TEX48: variants seen among roughly 807,000 people sequenced by gnomAD.
TEX48 encodes the protein testis expressed 48.
Under a neutral mutation model 13.2 loss-of-function variants are expected in TEX48, and 10 were observed. The ratio of observed to expected loss-of-function variants is 0.75; its 90% CI spans 0.47 to 1.28. The LOEUF is 1.28. TEX48 is among the 50% of genes most tolerant of loss of function. TEX48 has a pLI of 0.00. For missense variants in TEX48, 116 were observed against 139.4 expected, an observed-to-expected ratio of 0.83 and a Z score of 0.84; for synonymous variants, 45 against 52.3, an observed-to-expected ratio of 0.86 and a Z score of 0.60.
rs1827953267 is a variant in TEX48 at position 114,671,782 on chromosome 9, C to T, written c.-59G>A. 2 of 1,531,346 alleles carry T rather than the reference C, an allele frequency of 1.3e-6. No homozygotes were observed. Among genetic ancestry groups the T allele is most frequent in the African/African-American group, 2.7e-5 (2 of 72,928 alleles). The allele number at this position is 1,531,346 out of a possible 1,614,324, so 94.9% of individuals were successfully genotyped here. On this transcript the variant is annotated 5_prime_UTR_variant, in exon 2 of 5. Coordinates refer to ENST00000436752, the MANE Select transcript of TEX48 (RefSeq NM_001199233.2). ...TGTCTGCAGGGGTGCCTTGTTGAAT[C>T]AGCCAGTCTTGAGTTTGAGCCCAGT...
At chr9:114,670,101 A>AG (rs1827917388) in intron 3 of TEX48, among the ~76,000 whole-genome samples, 3 of 152,222 alleles carry the variant, frequency 2.0e-5, no homozygotes, top group African/African-American at 7.2e-5. Flanking sequence ...CAATTTGAAT[A>AG]CTAATGTCTG....
chr9:114,674,602 T>C lies in TEX48; in HGVS notation c.-104-2775A>G, dbSNP rs560574381. On this transcript the variant is annotated intron_variant, in intron 1 of 4. Coordinates refer to ENST00000436752, the MANE Select transcript of TEX48 (RefSeq NM_001199233.2). ...TCTTTTTTTCTCTTTTCTCTTTTTC[T>C]TTCCTTCCTTCCTTCCTTCCTTCCT... Among the ~76,000 whole-genome samples, 70 of 54,426 alleles carry C rather than the reference T, an allele frequency of 1.3e-3. 1 individual carries two copies. Among genetic ancestry groups the C allele is most frequent in the East Asian group, 3.2e-3 (7 of 2,158 alleles). 35.7% of individuals were successfully genotyped at this position (54,426 alleles called of 152,430 possible).
chr9:114,673,270 C>T (rs1182284953), intron 1 of TEX48, among the ~76,000 whole-genome samples: 1 of 151,948 alleles, frequency 6.6e-6, no homozygotes, highest in Non-Finnish European at 1.5e-5. Flanking sequence ...GTCAGGAGTT[C>T]GAGACCAGCC....
At position 114,671,476 on chromosome 9, in the gene TEX48, A is replaced by C. The variant is rs1301027842; in HGVS notation, c.34T>G (p.Phe12Val). 6.5e-7 allele frequency: 1 copy of C among 1,535,452 alleles called. No homozygotes were observed. The highest frequency in any genetic ancestry group is 1.4e-5 in the African/African-American group (1 of 73,006). ...TGACAGTCCCTGCAGCATAAACAGAAGATCTTCAAGATCAGGTTTTGGTGG... is the reference window on the plus strand; with the variant it reads ...TGACAGTCCCTGCAGCATAAACAGACGATCTTCAAGATCAGGTTTTGGTGG... The part of the protein sequence containing the change: ...AAHQNLILKI[F>V]CLCCRDCQEP... Residue 12 changes from phenylalanine (F) to valine (V), a missense_variant, in exon 3 of 5, where the codon TTC becomes GTC. Phe to Val is a conservative substitution (Grantham distance 50). Coordinates refer to ENST00000436752, the MANE Select transcript of TEX48 (RefSeq NM_001199233.2).
rs1312260747 is a variant in TEX48 at position 114,666,703 on chromosome 9, G to C, written c.303C>G (p.Asn101Lys). ...YASQRNFYKR[N>K]LNRYCQEHWP... ...AGTGCTCCTGGCAGTAGCGGTTTAA[G>C]TTTCTCTTGTAAAAATTTCTTTGGG... Residue 101 changes from asparagine (N) to lysine (K), a missense_variant, in exon 5 of 5, where the codon AAC becomes AAG. By Grantham distance (94) the Asn-to-Lys change is moderately conservative. Coordinates refer to ENST00000436752, the MANE Select transcript of TEX48 (RefSeq NM_001199233.2). The C allele has an allele frequency of 5.2e-6, 8 of 1,535,278 alleles. No individual in the cohort carries two copies. Among genetic ancestry groups the C allele is most frequent in the Non-Finnish European group, 6.1e-6 (7 of 1,146,598 alleles).
At chr9:114,675,979 C>T (rs534161336) in intron 1 of TEX48, among the ~76,000 whole-genome samples, 1 of 152,302 alleles carries the variant, frequency 6.6e-6, no homozygotes, top group Admixed American at 6.5e-5. Context: ...GGAGTCCCTC[C>T]CTTGTGCTCC....
intron 1 of TEX48, among the ~76,000 whole-genome samples, chr9:114,676,272 C>G (rs572440988): frequency 1.3e-5 from 2 of 152,236 alleles, no homozygotes; most frequent in South Asian, 4.2e-4. Flanking sequence ...CAAGCGATTT[C>G]CCTGCCTCAG....
rs1054055337 is a variant in TEX48, at chr9:114,679,211, A to T, written c.-105+2824T>A. ...TTTAGAAAAAATCAATTGGAATGGG[A>T]AATTCCATTAGTGTAGATATCTTGA... is the stretch of plus-strand genomic sequence containing the variant. On this transcript the variant is annotated intron_variant, in intron 1 of 4. Coordinates refer to ENST00000436752, the MANE Select transcript of TEX48 (RefSeq NM_001199233.2). Among the ~76,000 whole-genome samples, 3 of 151,444 alleles carry T rather than the reference A, an allele frequency of 2.0e-5. No individual in the cohort carries two copies. The South Asian group carries it at 6.3e-4, about 32-fold the overall frequency.
In TEX48 at chr9:114,670,683, G is replaced by C. The variant is rs146217082; in HGVS notation, c.127+700C>G. ...AGAGGCTCTGGCTAAAGATTTAAAG[G>C]GGGGTGGCTGGTTTGTACTAGACTT... On this transcript the variant is annotated intron_variant, in intron 3 of 4. Coordinates refer to ENST00000436752, the MANE Select transcript of TEX48 (RefSeq NM_001199233.2). Among the ~76,000 whole-genome samples, 3 of 152,090 alleles carry C rather than the reference G, an allele frequency of 2.0e-5. No homozygotes were observed. In the East Asian group the frequency reaches 5.8e-4, roughly 29 times the overall value.
intron 1 of TEX48, among the ~76,000 whole-genome samples, chr9:114,678,329 G>A (rs1589380475): frequency 6.6e-6 from 1 of 152,078 alleles, no homozygotes; most frequent in Non-Finnish European, 1.5e-5. Flanking sequence ...CATTTTTCTA[G>A]AGAAGAACAA....
intron 1 of TEX48, among the ~76,000 whole-genome samples, chr9:114,680,121 CTTTT>C (rs1222465975): frequency 2.2e-5 from 1 of 44,594 alleles, no homozygotes; most frequent in South Asian, 8.9e-4. Flanking sequence ...GTCATTGTCC[CTTTT>C]TTTTTTTTTT....
intron 1 of TEX48, among the ~76,000 whole-genome samples, chr9:114,680,550 C>T (rs1040111921): frequency 8.5e-5 from 13 of 152,152 alleles, no homozygotes; most frequent in Non-Finnish European, 4.4e-5. Flanking sequence ...AGAAATGAGG[C>T]AGACTGATAC....
At chr9:114,672,392 G>C (rs554711917) in intron 1 of TEX48, among the ~76,000 whole-genome samples, 1 of 152,178 alleles carries the variant, frequency 6.6e-6, no homozygotes, top group Non-Finnish European at 1.5e-5. Flanking sequence ...ATAAGGCCTT[G>C]CTTTAGTCCC....
chr9:114,666,611 C>G lies in TEX48; in HGVS notation c.*32G>C, dbSNP rs1344350278. 7.7e-7 allele frequency: 1 copy of G among 1,291,808 alleles called. No homozygotes were observed. The highest frequency in any genetic ancestry group is 2.5e-5 in the East Asian group (1 of 39,740). The allele number at this position is 1,291,808 out of a possible 1,614,324, so 80.0% of individuals were successfully genotyped here. ...ACCGCCCTCTTCCTCATGGAGATGC[C>G]CCAGCAGCTGTGCAGCCGCCGGCTA... On this transcript the variant is annotated 3_prime_UTR_variant, in exon 5 of 5. Coordinates refer to ENST00000436752, the MANE Select transcript of TEX48 (RefSeq NM_001199233.2).
intron 1 of TEX48, among the ~76,000 whole-genome samples, chr9:114,679,162 A>G (rs1257844961): frequency 6.6e-6 from 1 of 151,972 alleles, no homozygotes; most frequent in Non-Finnish European, 1.5e-5. Context: ...TCTTTATGCA[A>G]AAGCTCATAT....
Position 114,682,119 on chromosome 9 carries a change from C to T in TEX48, c.-189G>A, listed in dbSNP as rs1157487884. On this transcript the variant is annotated 5_prime_UTR_variant, in exon 1 of 5. Transcript: ENST00000436752. The stretch of plus-strand genomic sequence containing the variant: ...GAATGTTGGGGCTGGGATGTTTGGA[C>T]TGGACCACAACAGCGAGGAGGAGGG... The T allele has an allele frequency of 6.6e-6, 1 of 152,348 alleles. No homozygotes were observed. The highest frequency in any genetic ancestry group is 2.4e-5 in the African/African-American group (1 of 41,392). The allele number at this position is 152,348 out of a possible 1,614,324, so 9.4% of individuals were successfully genotyped here. A position where few individuals can be genotyped will look rare whatever the true frequency, so the allele number is the denominator to read the frequency against.
chr9:114,678,287 C>A (rs1828114179), intron 1 of TEX48, among the ~76,000 whole-genome samples: 1 of 152,154 alleles, frequency 6.6e-6, no homozygotes, highest in African/African-American at 2.4e-5. Flanking sequence ...TTACTCCTTC[C>A]CCTGGCTGCC....
chr9:114,673,055 G>A (rs375657457), intron 1 of TEX48, among the ~76,000 whole-genome samples: 5 of 152,094 alleles, frequency 3.3e-5, no homozygotes, highest in East Asian at 1.9e-4. Context: ...TAACATACGC[G>A]CGTTACTGGA....
chr9:114,674,926 C>T (rs1305067408), intron 1 of TEX48, among the ~76,000 whole-genome samples: 1 of 151,022 alleles, frequency 6.6e-6, no homozygotes, highest in African/African-American at 2.4e-5. Context: ...CCATGTTGGC[C>T]TCCCAAAGTG....
Sources: gnomAD v4.1 joint callset for allele counts (sites outside exome capture counted in the v4.1 genomes callset) on GRCh38, gnomAD v4.1.1 for gene constraint, MANE v1.5 for transcripts, NCBI Gene and HGNC (gene_info 2026-07-23, HGNC 2026-07-21) for gene names.